The following PPP2R1B variants were observed in gnomAD, a reference collection of about 807,000 sequenced individuals.
The protein encoded by PPP2R1B is protein phosphatase 2 scaffold subunit Abeta.
A neutral mutation model predicts 72.7 loss-of-function variants in PPP2R1B; 58 were observed. That is an observed-to-expected ratio of 0.80 (90% CI 0.65 to 0.99). The LOEUF is 0.99. Among genes scored for constraint, PPP2R1B ranks in the 50% least tolerant of loss-of-function variants. The pLI, the probability that PPP2R1B is intolerant of heterozygous loss-of-function variation, is 0.00. For synonymous variants in PPP2R1B, 256 were observed against 264.6 expected (o/e 0.97, Z 0.32); for missense variants, 695 against 733.6 (o/e 0.95, Z 0.61).
chr11:111,746,441 A>G (rs1423883047), intron 11 of PPP2R1B, among the ~76,000 whole-genome samples: 1 of 152,174 alleles, frequency 6.6e-6, no homozygotes, highest in African/African-American at 2.4e-5. Flanking sequence ...ACATGAATAC[A>G]GGGAAGGGAA....
chr11:111,697,889 G>A, the PPP2R1B span, among the ~76,000 whole-genome samples: 2 of 152,022 alleles, frequency 1.3e-5, no homozygotes, highest in Non-Finnish European at 2.9e-5. Flanking sequence ...GTGAGTCTAT[G>A]GTCCCAGCTG....
At position 111,754,584 on chromosome 11, in the gene PPP2R1B, G is replaced by GA; in HGVS notation, c.959-16dup. On this transcript the variant is annotated splice_polypyrimidine_tract_variant and intron_variant, in intron 7 of 14. Coordinates refer to ENST00000527614, the MANE Select transcript of PPP2R1B (RefSeq NM_002716.5). Reference sequence around the variant, plus strand: ...CTCACCAAGTTCTAAAAGATAAATAGAAAAAAAGAATGCTTTCACAGGGCC... The same window carrying GA: ...CTCACCAAGTTCTAAAAGATAAATAGAAAAAAAAGAATGCTTTCACAGGGCC... 6.3e-7 allele frequency: 1 copy of GA among 1,587,018 alleles called. No homozygotes were observed. The highest frequency in any genetic ancestry group is 8.5e-7 in the Non-Finnish European group (1 of 1,173,134).
chr11:111,688,128 C>T, the PPP2R1B span: 23 of 1,614,064 alleles, frequency 1.4e-5, no homozygotes, highest in East Asian at 4.5e-4. This position sits in a 1 kb window ranked among gnomAD's most constrained non-coding sequence, Gnocchi z 4.2. Flanking sequence ...CTGAAAATCT[C>T]CTGCTGGATA....
At chr11:111,748,466 C>G (rs1944783129) in intron 10 of PPP2R1B, among the ~76,000 whole-genome samples, 1 of 152,132 alleles carries the variant, frequency 6.6e-6, no homozygotes, top group African/African-American at 2.4e-5. Flanking sequence ...TAGAGATATC[C>G]CCAGTTAAAG....
At chr11:111,708,954 G>A in the PPP2R1B span, among the ~76,000 whole-genome samples, 1 of 152,138 alleles carries the variant, frequency 6.6e-6, no homozygotes, top group Admixed American at 6.6e-5. Context: ...GTTTCCATCA[G>A]CTGGAAACAA....
chr11:111,689,677 G>T, the PPP2R1B span, among the ~76,000 whole-genome samples: 2 of 152,190 alleles, frequency 1.3e-5, no homozygotes, highest in Non-Finnish European at 2.9e-5. Context: ...ATTGAACTTA[G>T]TAAGTTTAGG....
intron 15 of PPP2R1B, among the ~76,000 whole-genome samples, chr11:111,731,661 G>A (rs1015980939): frequency 2.0e-5 from 3 of 152,228 alleles, no homozygotes; most frequent in East Asian, 1.9e-4. Context: ...TCTGGGTAGC[G>A]GTGGGAAGGT....
chr11:111,755,391 C>A lies in PPP2R1B; in HGVS notation c.747G>T (p.Gln249His), dbSNP rs1945068515. 1 of 1,613,578 alleles carries A rather than the reference C, an allele frequency of 6.2e-7. No homozygotes were observed. Among genetic ancestry groups the A allele is most frequent in the Non-Finnish European group, 8.5e-7 (1 of 1,179,898 alleles). Residue 249 changes from glutamine (Q) to histidine (H), a missense_variant, in exon 6 of 15, where the codon CAG becomes CAT. Coordinates refer to ENST00000527614, the MANE Select transcript of PPP2R1B (RefSeq NM_002716.5). Reference protein sequence around the residue: ...ACVSIAQLLSQDDLETLVMPT... With the variant: ...ACVSIAQLLSHDDLETLVMPT... ...GCATCACCAAAGTCTCAAGGTCATC[C>A]TGAGACAATAACTGGGCAATACTGA...
chr11:111,702,670 A>G, the PPP2R1B span, among the ~76,000 whole-genome samples: 2 of 152,204 alleles, frequency 1.3e-5, no homozygotes, highest in Admixed American at 1.3e-4. Flanking sequence ...GAAGAGCATC[A>G]TGTCAGCTCA....
rs1945548823 is a variant in PPP2R1B at position 111,766,376 on chromosome 11, T to G, written c.-15A>C. On this transcript the variant is annotated 5_prime_UTR_variant, in exon 1 of 15. Coordinates refer to ENST00000527614, the MANE Select transcript of PPP2R1B (RefSeq NM_002716.5). Reference sequence around the variant, plus strand: ...GCGCCCGCCATGTTCTTTCTCCTCCTGCTGCTGGTCACCGCCTCCCGCCCC... The same window carrying G: ...GCGCCCGCCATGTTCTTTCTCCTCCGGCTGCTGGTCACCGCCTCCCGCCCC... 1 of 476,784 alleles carries G rather than the reference T, an allele frequency of 2.1e-6. No individual in the cohort carries two copies. The highest frequency in any genetic ancestry group is 3.2e-6 in the Non-Finnish European group (1 of 310,328). 29.5% of individuals were successfully genotyped at this position (476,784 alleles called of 1,614,324 possible). A position where few individuals can be genotyped will look rare whatever the true frequency, so the allele number is the denominator to read the frequency against.
chr11:111,695,257 C>T, the PPP2R1B span, among the ~76,000 whole-genome samples: 2 of 152,110 alleles, frequency 1.3e-5, no homozygotes, highest in Non-Finnish European at 2.9e-5. Context: ...ACCCTAAAGC[C>T]ATCTGCTGCT....
chr11:111,747,808 C>A, intron 11 of PPP2R1B, 146 bp downstream of exon 11: 1 of 637,102 alleles, frequency 1.6e-6, no homozygotes, highest in Non-Finnish European at 2.5e-6. Flanking sequence ...AATTTATATT[C>A]AGAAGATTAA....
downstream of PPP2R1B, chr11:111,724,376 G>T: frequency 7.4e-6 from 4 of 540,156 alleles, no homozygotes; most frequent in Non-Finnish European, 1.3e-5. Flanking sequence ...CCCTTCGGTC[G>T]AGTGGAGCAA....
At chr11:111,721,689 G>A in the PPP2R1B span, 2 of 575,232 alleles carry the variant, frequency 3.5e-6, no homozygotes, top group Non-Finnish European at 6.1e-6. Flanking sequence ...TCAGCCTACT[G>A]GCTCTGTAAA....
the PPP2R1B span, among the ~76,000 whole-genome samples, chr11:111,695,650 A>G: frequency 6.6e-6 from 1 of 152,228 alleles, no homozygotes; most frequent in East Asian, 1.9e-4. Flanking sequence ...TTACAAATGC[A>G]GAATCTGAGG....
At chr11:111,722,203 C>T (rs1386469771), downstream of PPP2R1B, among the ~76,000 whole-genome samples, 1 of 152,180 alleles carries the variant, frequency 6.6e-6, no homozygotes, top group Non-Finnish European at 1.5e-5. This position sits in a 1 kb window ranked among gnomAD's most constrained non-coding sequence, Gnocchi z 4.4. Context: ...GACCTGGCTT[C>T]TTTCTTTCTA....
chr11:111,737,197 T>C (rs1944364221), downstream of PPP2R1B, among the ~76,000 whole-genome samples: 1 of 152,214 alleles, frequency 6.6e-6, no homozygotes, highest in African/African-American at 2.4e-5. Context: ...TGATAGGAGA[T>C]GGGCCTCAAG....
Position 111,766,318 on chromosome 11 carries a change from C to A in PPP2R1B, c.44G>T (p.Gly15Val), listed in dbSNP as rs1437341366. The change falls in exon 1 of 15, where the codon GGT becomes GTT. Residue 15 changes from glycine to valine, a missense_variant. Gly to Val is a moderately radical substitution (Grantham distance 109). Coordinates refer to ENST00000527614, the MANE Select transcript of PPP2R1B (RefSeq NM_002716.5). Reference sequence around the variant, plus strand: ...GTATAGCGAATCATCTCCATCTCCACCCGCTGCTCCTGGGCCGGTCCCGAG... The same window carrying A: ...GTATAGCGAATCATCTCCATCTCCAACCGCTGCTCCTGGGCCGGTCCCGAG... ...SELGTGPGAA[G>V]GDGDDSLYPI... 6.2e-7 allele frequency: 1 copy of A among 1,610,144 alleles called. No homozygotes were observed.
chr11:111,722,612 C>A, downstream of PPP2R1B: 1 of 1,534,878 alleles, frequency 6.5e-7, no homozygotes, highest in Non-Finnish European at 9.0e-7. The surrounding 1 kb of genome is among the most constrained non-coding windows in gnomAD (Gnocchi z 4.4). Flanking sequence ...CTGATGACTG[C>A]ATCCTAGGTG....
Sources: gnomAD v4.1 joint callset for allele counts (sites outside exome capture counted in the v4.1 genomes callset) on GRCh38, gnomAD v4.1.1 for gene constraint, Gnocchi (gnomAD v3.1) non-coding constraint, MANE v1.5 for transcripts, NCBI Gene and HGNC (gene_info 2026-07-23, HGNC 2026-07-21) for gene names.